NKAIN2: variants seen among roughly 807,000 people sequenced by gnomAD.
NKAIN2 encodes the protein sodium/potassium-transporting ATPase subunit beta-1-interacting protein 2.
In NKAIN2, 14 loss-of-function variants were observed where a neutral mutation model predicts 32.6. That is an observed-to-expected ratio of 0.43 (90% CI 0.28 to 0.67). The LOEUF (loss-of-function observed/expected upper bound fraction) is 0.67, where lower values mean the gene tolerates loss of function less well. Ranked by LOEUF, NKAIN2 falls within the 30% of genes least tolerant of loss-of-function variation. The pLI is 0.17. For synonymous variants in NKAIN2, 80 were observed against 87.2 expected (o/e 0.92, Z 0.46); for missense variants, 198 against 258.3 (o/e 0.77, Z 1.60).
intron 1 of NKAIN2, among the ~76,000 whole-genome samples, chr6:123,888,485 C>T (rs1292459527): frequency 6.6e-6 from 1 of 152,098 alleles, no homozygotes; most frequent in Admixed American, 6.6e-5. Context: ...ATGTCTAAAA[C>T]TTAATAATGC....
At chr6:123,956,057 G>C (rs554147896) in intron 1 of NKAIN2, among the ~76,000 whole-genome samples, 1 of 151,532 alleles carries the variant, frequency 6.6e-6, no homozygotes, top group African/African-American at 2.4e-5. Flanking sequence ...CTACCATGCC[G>C]AACTACATTT....
chr6:123,924,595 T>G (rs6928915), intron 1 of NKAIN2, among the ~76,000 whole-genome samples: 42,568 of 151,934 alleles, frequency 0.28, 7,022 homozygotes, highest in Middle Eastern at 0.42. Context: ...ATAATAGAAG[T>G]TTAGAATTAC....
chr6:124,170,257 G>A (rs958526138), intron 1 of NKAIN2, among the ~76,000 whole-genome samples: 17 of 152,076 alleles, frequency 1.1e-4, no homozygotes, highest in Non-Finnish European at 2.2e-4. Flanking sequence ...ACATTGCTTG[G>A]TGTTATTTAA....
At chr6:124,171,210 T>TTTTTG (rs1023408022) in intron 1 of NKAIN2, among the ~76,000 whole-genome samples, 2 of 152,106 alleles carry the variant, frequency 1.3e-5, no homozygotes, top group African/African-American at 2.4e-5. Flanking sequence ...TAAGGAACTT[T>TTTTTG]TTTTGTTTTG....
intron 3 of NKAIN2, among the ~76,000 whole-genome samples, chr6:124,645,374 C>CA (rs1583575057): frequency 6.6e-6 from 1 of 152,166 alleles, no homozygotes; most frequent in Non-Finnish European, 1.5e-5. Flanking sequence ...GCTTCTCCCC[C>CA]AAACAGGCAA....
At chr6:123,819,370 A>G (rs1388837165) in intron 1 of NKAIN2, among the ~76,000 whole-genome samples, 2 of 152,206 alleles carry the variant, frequency 1.3e-5, no homozygotes, top group Non-Finnish European at 2.9e-5. Flanking sequence ...CAGGACACAC[A>G]TTAGTGCATG....
chr6:124,170,834 A>G (rs1254072608), intron 1 of NKAIN2, among the ~76,000 whole-genome samples: 1 of 152,184 alleles, frequency 6.6e-6, no homozygotes, highest in African/African-American at 2.4e-5. Context: ...TAATCCAGTC[A>G]TATCTGTGGT....
intron 4 of NKAIN2, among the ~76,000 whole-genome samples, chr6:124,664,914 A>ATC (rs1772715351): frequency 6.6e-6 from 1 of 151,826 alleles, no homozygotes; most frequent in African/African-American, 2.4e-5. Flanking sequence ...TTAAACAAGA[A>ATC]TGTATACGTG....
chr6:123,958,942 T>C lies in NKAIN2; in HGVS notation c.54+154688T>C, dbSNP rs372062597. Among the ~76,000 whole-genome samples, 6 of 152,338 alleles carry C rather than the reference T, an allele frequency of 3.9e-5. No homozygotes were observed. In the South Asian group the frequency reaches 1.2e-3, roughly 32 times the overall value. On this transcript the variant is annotated intron_variant, in intron 1 of 6. Coordinates refer to ENST00000368417, the MANE Select transcript of NKAIN2 (RefSeq NM_001040214.3). Reference sequence around the variant, plus strand: ...TGGCTAATAGTTTCCTTGGCAATTATAGGCCATTGGTAGCTTACATTATTG... The same window carrying C: ...TGGCTAATAGTTTCCTTGGCAATTACAGGCCATTGGTAGCTTACATTATTG...
At chr6:124,097,974 A>T (rs1784714068) in intron 1 of NKAIN2, among the ~76,000 whole-genome samples, 1 of 151,968 alleles carries the variant, frequency 6.6e-6, no homozygotes, top group East Asian at 1.9e-4. Context: ...GATGGACTAT[A>T]CTCATTATTT....
intron 3 of NKAIN2, among the ~76,000 whole-genome samples, chr6:124,357,315 G>A (rs189430906): frequency 4.6e-5 from 7 of 152,086 alleles, no homozygotes; most frequent in Admixed American, 3.3e-4. Flanking sequence ...TCTCTTTCGT[G>A]TTCAAAGCAT....
intron 1 of NKAIN2, among the ~76,000 whole-genome samples, chr6:123,842,027 A>C (rs1035003372): frequency 6.6e-6 from 1 of 152,212 alleles, no homozygotes; most frequent in Admixed American, 6.5e-5. Context: ...GGAAAGGTTA[A>C]TTAGCCCATT....
intron 3 of NKAIN2, among the ~76,000 whole-genome samples, chr6:124,578,628 C>T (rs774019089): frequency 6.6e-6 from 1 of 152,104 alleles, no homozygotes; most frequent in Non-Finnish European, 1.5e-5. Flanking sequence ...TCTGAACCTA[C>T]TGGGGCCAGG....
intron 4 of NKAIN2, among the ~76,000 whole-genome samples, chr6:124,726,158 A>T (rs370720608): frequency 6.6e-6 from 1 of 152,172 alleles, no homozygotes; most frequent in Non-Finnish European, 1.5e-5. Flanking sequence ...CCCAGGCTTG[A>T]TTAGGTAAAC....
intron 5 of NKAIN2, among the ~76,000 whole-genome samples, chr6:124,801,659 A>G (rs756719877): frequency 1.3e-5 from 2 of 152,222 alleles, no homozygotes; most frequent in African/African-American, 4.8e-5. Context: ...AATCCAGTGC[A>G]CAATTTACGA....
chr6:124,025,268 T>C (rs957896166), intron 1 of NKAIN2, among the ~76,000 whole-genome samples: 2 of 152,170 alleles, frequency 1.3e-5, no homozygotes, highest in Non-Finnish European at 2.9e-5. Flanking sequence ...TTTCTTCTAG[T>C]ACTCAACTCA....
chr6:124,691,279 C>T (rs1410420427), intron 4 of NKAIN2, among the ~76,000 whole-genome samples: 4 of 152,124 alleles, frequency 2.6e-5, no homozygotes, highest in African/African-American at 4.8e-5. Context: ...AATCTCTGCT[C>T]TAATCACTAC....
At chr6:124,771,800 T>C (rs769824405) in intron 4 of NKAIN2, among the ~76,000 whole-genome samples, 1 of 152,118 alleles carries the variant, frequency 6.6e-6, no homozygotes. Flanking sequence ...CAGCAAAAAC[T>C]GAGGAGGTGA....
Position 124,184,065 on chromosome 6 carries a change from T to C in NKAIN2, c.55-98940T>C, listed in dbSNP as rs182416136. On this transcript the variant is annotated intron_variant, in intron 1 of 6. Transcript: ENST00000368417. ...AAATGGCCAGATGCTCACAGAATGATGAAAAGTCATTGTCTCTTATCTTTT... is the reference window on the plus strand; with the variant it reads ...AAATGGCCAGATGCTCACAGAATGACGAAAAGTCATTGTCTCTTATCTTTT... 1.1e-4 allele frequency among the ~76,000 whole-genome samples: 16 copies of C among 152,256 alleles called. No homozygotes were observed. The East Asian group carries it at 1.7e-3, about 17-fold the overall frequency.
Sources: gnomAD v4.1 joint callset for allele counts (sites outside exome capture counted in the v4.1 genomes callset) on GRCh38, gnomAD v4.1.1 for gene constraint, MANE v1.5 for transcripts, NCBI Gene and HGNC (gene_info 2026-07-23, HGNC 2026-07-21) for gene names.